GPR89B: variants seen among roughly 807,000 people sequenced by gnomAD.
GPR89B encodes the protein golgi pH regulator B.
A neutral mutation model predicts 52.4 loss-of-function variants in GPR89B; 25 were observed. The observed-to-expected ratio is 0.48, with a 90% CI of 0.35 to 0.67. GPR89B has a LOEUF of 0.67. Ranked by LOEUF, GPR89B falls within the 30% of genes least tolerant of loss-of-function variation. The pLI is 0.01. For synonymous variants in GPR89B, 52 were observed against 151.2 expected (o/e 0.34, Z 4.81); for missense variants, 146 against 450.2 (o/e 0.32, Z 6.11).
At chr1:148,008,274 A>T in the GPR89B span, among the ~76,000 whole-genome samples, 3 of 152,228 alleles carry the variant, frequency 2.0e-5, no homozygotes, top group African/African-American at 7.2e-5. Context: ...ACCATTCACC[A>T]TGTGCATTAG....
rs1419937717 is a variant in GPR89B at position 147,983,512 on chromosome 1, C to G, written c.910-2687C>G. 2.5e-3 allele frequency among the ~76,000 whole-genome samples: 384 copies of G among 152,188 alleles called. 2 individuals carry two copies. Among genetic ancestry groups the G allele is most frequent in the African/African-American group, 8.9e-3 (370 of 41,542 alleles). ...ACAAACAACCCCATCAAAAAGTTGGCGAAGGACATGAACAGACACTTCTCA... is the reference window on the plus strand; with the variant it reads ...ACAAACAACCCCATCAAAAAGTTGGGGAAGGACATGAACAGACACTTCTCA... On this transcript the variant is annotated intron_variant, in intron 10 of 13. Transcript: ENST00000314163.
the GPR89B span, among the ~76,000 whole-genome samples, chr1:148,008,614 G>T: frequency 6.6e-6 from 1 of 152,212 alleles, no homozygotes; most frequent in African/African-American, 2.4e-5. Context: ...CAGCTCCTCT[G>T]GTTCCAACCA....
intron 1 of GPR89B, 65 bp downstream of exon 1, chr1:147,928,643 C>T (rs1234477764): frequency 2.5e-6 from 4 of 1,601,034 alleles, no homozygotes; most frequent in African/African-American, 2.7e-5. Flanking sequence ...CTCTCCGGTC[C>T]TCCGCGGTGC....
chr1:147,944,800 AATCT>A (rs1438421034), intron 5 of GPR89B, among the ~76,000 whole-genome samples: 1 of 142,604 alleles, frequency 7.0e-6, no homozygotes, highest in Non-Finnish European at 1.5e-5. Flanking sequence ...AGTATGTATG[AATCT>A]ATCTAAAAAG....
intron 5 of GPR89B, among the ~76,000 whole-genome samples, chr1:147,951,566 GA>G (rs1449824438): frequency 6.6e-6 from 1 of 151,846 alleles, no homozygotes; most frequent in Non-Finnish European, 1.5e-5. Flanking sequence ...AAAGAGAATT[GA>G]AACTAAAGAG....
Position 147,969,907 on chromosome 1 carries a change from T to C in GPR89B, c.857T>C (p.Phe286Ser). The C allele has an allele frequency of 6.7e-7, 1 of 1,496,886 alleles. No individual in the cohort carries two copies. Among genetic ancestry groups the C allele is most frequent in the Non-Finnish European group, 8.9e-7 (1 of 1,119,812 alleles). 92.7% of individuals were successfully genotyped at this position (1,496,886 alleles called of 1,614,324 possible). The change falls in exon 10 of 14, where the codon TTT becomes TCT. Residue 286 changes from phenylalanine to serine, a missense_variant. Coordinates refer to ENST00000314163, the MANE Select transcript of GPR89B (RefSeq NM_016334.5). ...EYSKTFKGKY[F>S]NFLGYFFSIY... ...TCCAAAACCTTCAAGGGGAAATATTTTAATTTTCTTGGTTACTTTTTCTCT... is the reference window on the plus strand; with the variant it reads ...TCCAAAACCTTCAAGGGGAAATATTCTAATTTTCTTGGTTACTTTTTCTCT...
At chr1:147,947,316 C>T (rs1227988207) in intron 5 of GPR89B, among the ~76,000 whole-genome samples, 45 of 144,068 alleles carry the variant, frequency 3.1e-4, no homozygotes, top group Non-Finnish European at 2.5e-4. Context: ...CCAGCCTGGG[C>T]GACAGAGCGA....
intron 4 of GPR89B, 41 bp downstream of exon 4, chr1:147,943,585 G>A: frequency 6.2e-7 from 1 of 1,609,404 alleles, no homozygotes; most frequent in Non-Finnish European, 8.5e-7. Context: ...AGATTGAGAT[G>A]AGTATTTGAG....
chr1:147,934,889 G>T (rs1179274493), intron 1 of GPR89B, among the ~76,000 whole-genome samples: 3 of 152,098 alleles, frequency 2.0e-5, no homozygotes, highest in African/African-American at 7.2e-5. Flanking sequence ...GAATGCTGAA[G>T]AATAAACCAT....
intron 5 of GPR89B, among the ~76,000 whole-genome samples, chr1:147,950,307 C>G (rs1655536624): frequency 6.8e-6 from 1 of 148,004 alleles, no homozygotes. Flanking sequence ...GGCGGCGGGG[C>G]AGAGGCGCTC....
At chr1:147,942,427 A>G (rs1654635298) in intron 3 of GPR89B, among the ~76,000 whole-genome samples, 1 of 151,544 alleles carries the variant, frequency 6.6e-6, no homozygotes, top group Non-Finnish European at 1.5e-5. Context: ...TTAAATATAG[A>G]TTTATCATAT....
intron 12 of GPR89B, among the ~76,000 whole-genome samples, chr1:147,991,368 T>C (rs1659055192): frequency 6.6e-6 from 1 of 152,182 alleles, no homozygotes. Context: ...TGGGGTTTTC[T>C]ATATATACAG....
chr1:148,009,846 G>A, the GPR89B span, among the ~76,000 whole-genome samples: 1 of 152,072 alleles, frequency 6.6e-6, no homozygotes, highest in Admixed American at 6.5e-5. Context: ...TTACAAGACT[G>A]GTCCTTTCTA....
At chr1:147,977,292 T>A (rs1657916339) in intron 10 of GPR89B, among the ~76,000 whole-genome samples, 1 of 150,692 alleles carries the variant, frequency 6.6e-6, no homozygotes, top group Non-Finnish European at 1.5e-5. Context: ...TCCCAATTGC[T>A]TCTGGCTTAT....
the GPR89B span, among the ~76,000 whole-genome samples, chr1:148,002,507 T>C: frequency 3.9e-5 from 6 of 152,204 alleles, no homozygotes; most frequent in Non-Finnish European, 8.8e-5. Context: ...GCATGGGCTT[T>C]GGAACTAAAC....
At chr1:147,977,016 C>T (rs1657881418) in intron 10 of GPR89B, among the ~76,000 whole-genome samples, 2 of 151,456 alleles carry the variant, frequency 1.3e-5, no homozygotes, top group South Asian at 4.2e-4. Context: ...GGGCAGATCA[C>T]GAGGTCAGAA....
intron 10 of GPR89B, among the ~76,000 whole-genome samples, chr1:147,970,533 C>CTCTCTCTCTCTCTA (rs1657371248): frequency 7.8e-6 from 1 of 127,724 alleles, no homozygotes; most frequent in African/African-American, 3.1e-5. Context: ...CTCTCTCTCT[C>CTCTCTCTCTCTCTA]TATCTCTATC....
the GPR89B span, chr1:148,009,538 C>T: frequency 1.0e-5 from 16 of 1,561,666 alleles, no homozygotes; most frequent in Non-Finnish European, 1.4e-5. Context: ...TAGGAATCCC[C>T]ATCCAGAACT....
At chr1:147,930,730 C>T (rs1653517365) in intron 1 of GPR89B, among the ~76,000 whole-genome samples, 2 of 146,848 alleles carry the variant, frequency 1.4e-5, no homozygotes, top group African/African-American at 4.9e-5. Context: ...GAAGTTCAAA[C>T]TCCTTTACAT....
Sources: gnomAD v4.1 joint callset for allele counts (sites outside exome capture counted in the v4.1 genomes callset) on GRCh38, gnomAD v4.1.1 for gene constraint, MANE v1.5 for transcripts, NCBI Gene and HGNC (gene_info 2026-07-23, HGNC 2026-07-21) for gene names.